Variants in PKNOX2 observed in about 807,000 individuals in gnomAD.
The protein encoded by PKNOX2 is homeobox protein PKNOX2.
A neutral mutation model predicts 53.1 loss-of-function variants in PKNOX2; 14 were observed. The observed-to-expected ratio is 0.26, with a 90% CI of 0.17 to 0.41. The LOEUF is 0.41. PKNOX2 is among the 10% of genes least tolerant of loss of function. The pLI is 1.00. For synonymous variants in PKNOX2, 257 were observed against 242.8 expected (o/e 1.06, Z -0.54); for missense variants, 496 against 602.8 (o/e 0.82, Z 1.85).
intron 7 of PKNOX2, among the ~76,000 whole-genome samples, chr11:125,408,169 G>C (rs1955231484): frequency 2.0e-5 from 3 of 152,194 alleles, no homozygotes; most frequent in Non-Finnish European, 4.4e-5. Context: ...TGTGGCCTTG[G>C]GAAGTCCCAG....
At chr11:125,218,332 G>A (rs373422514) in intron 1 of PKNOX2, among the ~76,000 whole-genome samples, 9 of 151,716 alleles carry the variant, frequency 5.9e-5, no homozygotes, top group East Asian at 5.8e-4. Flanking sequence ...GTGGGGGCTC[G>A]GCCATGTAAA....
rs548873256 is a variant in PKNOX2, at chr11:125,326,571, T to C, written c.-129-5248T>C. On this transcript the variant is annotated intron_variant, in intron 2 of 12. Transcript: ENST00000298282. ...GAAACACCATAAACAAGTCGATGAA[T>C]TATTTTAGCTTCCAAAGAGCCCCTC... 2.6e-5 allele frequency among the ~76,000 whole-genome samples: 4 copies of C among 152,336 alleles called. No homozygotes were observed. The East Asian group carries it at 7.7e-4, about 29-fold the overall frequency.
chr11:125,353,441 A>T (rs1233032433), intron 4 of PKNOX2, among the ~76,000 whole-genome samples: 2 of 152,246 alleles, frequency 1.3e-5, no homozygotes, highest in Non-Finnish European at 2.9e-5. Flanking sequence ...AGTGATCAGC[A>T]TACAGCTGGA....
At chr11:125,348,995 C>G (rs73618163) in intron 3 of PKNOX2, among the ~76,000 whole-genome samples, 1 of 151,992 alleles carries the variant, frequency 6.6e-6, no homozygotes, top group African/African-American at 2.4e-5. Flanking sequence ...TCCTGGCGGA[C>G]GAGCATCTGT....
At chr11:125,222,623 ATG>A (rs757740242) in intron 1 of PKNOX2, among the ~76,000 whole-genome samples, 22 of 126,054 alleles carry the variant, frequency 1.7e-4, no homozygotes, top group African/African-American at 3.4e-4. Flanking sequence ...ATGTGTGTGT[ATG>A]TGTGTGTGTA....
intron 2 of PKNOX2, chr11:125,330,137 T>G (rs1056810543): frequency 1.3e-5 from 2 of 152,530 alleles, no homozygotes; most frequent in African/African-American, 4.8e-5. Flanking sequence ...CTTTGTAGCT[T>G]GTGCAGCTGG....
Position 125,239,855 on chromosome 11 carries a change from A to C in PKNOX2, c.-130+4740A>C, listed in dbSNP as rs1025544800. Reference sequence around the variant, plus strand: ...GGTAGTCCTTGAGTGTGCAGAGAGCAGTGACAGGGGCATTTAGTTGGTCCA... The same window carrying C: ...GGTAGTCCTTGAGTGTGCAGAGAGCCGTGACAGGGGCATTTAGTTGGTCCA... On this transcript the variant is annotated intron_variant, in intron 2 of 12. Transcript: ENST00000298282. The C allele has an allele frequency of 9.2e-5, 14 of 152,234 alleles. 1 individual carries two copies. 9.4% of individuals were successfully genotyped at this position (152,234 alleles called of 1,614,324 possible). A position where few individuals can be genotyped will look rare whatever the true frequency, so the allele number is the denominator to read the frequency against.
intron 4 of PKNOX2, 96 bp from the exon 5 acceptor site, chr11:125,367,750 G>A (rs577353124): frequency 2.2e-4 from 299 of 1,348,064 alleles, no homozygotes; most frequent in Non-Finnish European, 2.9e-4. Context: ...GCTCTCCTCC[G>A]GGCACAGCAC....
chr11:125,181,652 C>G (rs546249289), intron 1 of PKNOX2, among the ~76,000 whole-genome samples: 30 of 152,324 alleles, frequency 2.0e-4, no homozygotes, highest in Non-Finnish European at 2.9e-4. Context: ...GAAATAGTTC[C>G]CCATGTGCTT....
chr11:125,304,878 G>A (rs898521929), intron 2 of PKNOX2, among the ~76,000 whole-genome samples: 6 of 152,210 alleles, frequency 3.9e-5, no homozygotes, highest in Middle Eastern at 3.2e-3. Context: ...CATGTGTAGC[G>A]TCAGACAATA....
At chr11:125,262,447 A>T (rs1944934707) in intron 2 of PKNOX2, among the ~76,000 whole-genome samples, 1 of 150,944 alleles carries the variant, frequency 6.6e-6, no homozygotes. Context: ...AGATTAGCCC[A>T]CTTGAGTCTA....
intron 2 of PKNOX2, among the ~76,000 whole-genome samples, chr11:125,327,791 G>A (rs1367765660): frequency 6.6e-6 from 1 of 152,186 alleles, no homozygotes; most frequent in Non-Finnish European, 1.5e-5. Flanking sequence ...GTAGGCTGTT[G>A]GGAAACAAAT....
intron 4 of PKNOX2, among the ~76,000 whole-genome samples, chr11:125,366,553 T>C (rs2136272218): frequency 6.6e-6 from 1 of 152,120 alleles, no homozygotes; most frequent in Admixed American, 6.5e-5. Flanking sequence ...AATAAGCACA[T>C]AAATATAGAA....
intron 2 of PKNOX2, among the ~76,000 whole-genome samples, chr11:125,315,081 G>T (rs2136029837): frequency 1.3e-5 from 2 of 152,042 alleles, no homozygotes; most frequent in South Asian, 4.2e-4. Flanking sequence ...CCACAGGGTG[G>T]GCTGCAGTTA....
At chr11:125,416,266 G>A (rs1242351206) in intron 10 of PKNOX2, among the ~76,000 whole-genome samples, 2 of 127,376 alleles carry the variant, frequency 1.6e-5, no homozygotes, top group Admixed American at 2.0e-4. Context: ...TCCCGCCACT[G>A]CACTCCAGCC....
At chr11:125,306,307 A>C (rs1444517510) in intron 2 of PKNOX2, among the ~76,000 whole-genome samples, 1 of 152,074 alleles carries the variant, frequency 6.6e-6, no homozygotes, top group African/African-American at 2.4e-5. Context: ...AACGCTAAAG[A>C]TATTCCACCC....
intron 2 of PKNOX2, among the ~76,000 whole-genome samples, chr11:125,313,730 C>T (rs1379948105): frequency 1.3e-5 from 2 of 152,102 alleles, no homozygotes; most frequent in Admixed American, 6.5e-5. Context: ...CCACAAGCCA[C>T]GTGTATCTAT....
At chr11:125,189,439 GTGTGTGTGTATATATATATATA>G (rs1191586431) in intron 1 of PKNOX2, among the ~76,000 whole-genome samples, 15 of 56,768 alleles carry the variant, frequency 2.6e-4, no homozygotes, top group African/African-American at 8.7e-4. Context: ...GTGTGTGTGT[GTGTGTGTGTATATATATATATA>G]TATATATATA....
intron 5 of PKNOX2, among the ~76,000 whole-genome samples, chr11:125,369,640 G>A (rs1300744869): frequency 1.3e-5 from 2 of 152,180 alleles, no homozygotes; most frequent in Non-Finnish European, 2.9e-5. Flanking sequence ...GGTCCTAAAG[G>A]TTGAGTAACA....
Sources: allele counts gnomAD v4.1 joint callset (sites outside exome capture counted in the v4.1 genomes callset), GRCh38; gene constraint gnomAD v4.1.1; transcripts MANE v1.5; gene names NCBI Gene and HGNC (gene_info 2026-07-23, HGNC 2026-07-21).